The following CACNA1C variants were observed in gnomAD, a reference collection of about 807,000 sequenced individuals.
The protein encoded by CACNA1C is calcium voltage-gated channel subunit alpha1 C, also known as voltage-dependent L-type calcium channel subunit alpha-1C.
Under a neutral mutation model 229.0 loss-of-function variants are expected in CACNA1C, and 30 were observed. That is an observed-to-expected ratio of 0.13 (90% CI 0.10 to 0.18). The LOEUF (loss-of-function observed/expected upper bound fraction) is 0.18. CACNA1C is among the 10% of genes least tolerant of loss of function. The probability of loss-of-function intolerance (pLI) is 1.00; values close to 1 mark genes in which losing one functional copy is unlikely to be tolerated. For missense variants in CACNA1C, 1,658 were observed against 2,845.0 expected (o/e 0.58, Z 9.49); for synonymous variants, 1,114 against 1,132.5 (o/e 0.98, Z 0.33).
intron 42 of CACNA1C, chr12:2,680,708 A>AT (rs1320114800): frequency 8.6e-6 from 6 of 695,884 alleles, no homozygotes; most frequent in Admixed American, 8.1e-5. Context: ...CAGAGGGCCC[A>AT]TTTCAAGAGG....
chr12:2,668,981 T>C lies in CACNA1C; in HGVS notation c.4672T>C (p.Phe1558Leu). The change falls in exon 38 of 47, where the codon TTC (phenylalanine) becomes CTC (leucine). Residue 1558 changes from phenylalanine (F) to leucine (L), a missense_variant. By Grantham distance (22) the Phe-to-Leu change is conservative. This residue lies in a region of CACNA1C where 151 missense variants were observed against 344.4 expected (regional missense o/e 0.44). Coordinates refer to ENST00000399655, the MANE Select transcript of CACNA1C (RefSeq NM_000719.7). ...TCTGAACAGCGACGGGACAGTCATG[T>C]TCAATGCCACCCTGTTTGCCCTGGT... ...MPLNSDGTVM[F>L]NATLFALVRT... 1 of 1,614,150 alleles carries C rather than the reference T, an allele frequency of 6.2e-7. No individual in the cohort carries two copies. Among genetic ancestry groups the C allele is most frequent in the Non-Finnish European group, 8.5e-7 (1 of 1,180,016 alleles).
intron 3 of CACNA1C, among the ~76,000 whole-genome samples, chr12:2,202,345 C>T (rs540847572): frequency 6.6e-6 from 1 of 152,330 alleles, no homozygotes; most frequent in East Asian, 1.9e-4. Context: ...TTCCTAATTT[C>T]ATGAAGCCTG....
intron 1 of CACNA1C, among the ~76,000 whole-genome samples, chr12:2,109,447 G>A (rs370759155): frequency 6.6e-6 from 1 of 152,246 alleles, no homozygotes; most frequent in East Asian, 1.9e-4. Flanking sequence ...TACATGCAAA[G>A]GCACTGCGGC....
At chr12:2,293,398 G>T (rs2093702165) in intron 3 of CACNA1C, among the ~76,000 whole-genome samples, 2 of 152,204 alleles carry the variant, frequency 1.3e-5, no homozygotes, top group South Asian at 4.1e-4. Context: ...TGCGTAATTG[G>T]TGTTGCTATA....
intron 3 of CACNA1C, among the ~76,000 whole-genome samples, chr12:2,223,145 A>G (rs113962028): frequency 3.9e-5 from 6 of 152,312 alleles, no homozygotes; most frequent in African/African-American, 1.2e-4. Context: ...GACTCATAGC[A>G]TACTGGACAA....
chr12:2,049,376 C>G (rs2051693124), upstream of CACNA1C: 1 of 152,226 alleles, frequency 6.6e-6, no homozygotes, highest in Non-Finnish European at 1.5e-5. Flanking sequence ...AGAATAATCT[C>G]TCAGTGTTAT....
intron 4 of CACNA1C, among the ~76,000 whole-genome samples, chr12:2,456,594 C>T (rs553936870): frequency 1.9e-4 from 29 of 152,320 alleles, no homozygotes; most frequent in Non-Finnish European, 4.1e-4. Context: ...CCTGGCTTAC[C>T]TGCTTCCTCT....
intron 1 of CACNA1C, among the ~76,000 whole-genome samples, chr12:2,088,318 G>A (rs1182111543): frequency 2.0e-5 from 3 of 152,210 alleles, no homozygotes; most frequent in South Asian, 4.1e-4. Flanking sequence ...CTGGGTTGGA[G>A]GCTGGGGAGG....
At chr12:2,310,797 C>T (rs763493365) in intron 3 of CACNA1C, among the ~76,000 whole-genome samples, 99 of 152,176 alleles carry the variant, frequency 6.5e-4, no homozygotes, top group Non-Finnish European at 1.1e-3. Context: ...CTCTGAAGCA[C>T]ATCAGAAGAA....
chr12:2,262,699 T>G (rs1282198035), intron 3 of CACNA1C, among the ~76,000 whole-genome samples: 1 of 152,176 alleles, frequency 6.6e-6, no homozygotes, highest in East Asian at 1.9e-4. Context: ...GTGGAGGCTG[T>G]GTCTAAAATA....
In CACNA1C at chr12:2,601,531, G is replaced by A. The variant is rs2072260363; in HGVS notation, c.2854-323G>A. On this transcript the variant is annotated intron_variant, in intron 21 of 46. Transcript: ENST00000399655. This position sits in a 1 kb window ranked among gnomAD's most constrained non-coding sequence, Gnocchi z 5.9. ...CCTGCAGGCCCAAAGCCATGGACTT[G>A]GGATGTGGAACAGTGCGAAATTAGA... Among the ~76,000 whole-genome samples the A allele has an allele frequency of 6.6e-6, 1 of 152,176 alleles. No homozygotes were observed. Among genetic ancestry groups the A allele is most frequent in the Non-Finnish European group, 1.5e-5 (1 of 68,036 alleles).
In CACNA1C at chr12:2,500,090, A is replaced by G. The variant is rs149973067; in HGVS notation, c.1114-4752A>G. Among the ~76,000 whole-genome samples, 36 of 152,256 alleles carry G rather than the reference A, an allele frequency of 2.4e-4. No individual in the cohort carries two copies. The East Asian group carries it at 6.6e-3, about 28-fold the overall frequency. ...TCACCCAGGCAGTGGGGTTCTGAGGACCACCCTGGCCTCGTCCGTCTCCAT... is the reference window on the plus strand; with the variant it reads ...TCACCCAGGCAGTGGGGTTCTGAGGGCCACCCTGGCCTCGTCCGTCTCCAT... On this transcript the variant is annotated intron_variant, in intron 7 of 46. Transcript: ENST00000399655.
chr12:1,973,467 C>G (rs919362662), intron 1 of CACNA1C, among the ~76,000 whole-genome samples: 1 of 152,168 alleles, frequency 6.6e-6, no homozygotes, highest in Non-Finnish European at 1.5e-5. Flanking sequence ...TATGTACTCT[C>G]CAACTATAAA....
At chr12:2,021,507 C>T (rs1393646731) in intron 1 of CACNA1C, among the ~76,000 whole-genome samples, 2 of 152,132 alleles carry the variant, frequency 1.3e-5, no homozygotes, top group East Asian at 1.9e-4. Context: ...GGTGAAACCC[C>T]GTCTCTACTA....
intron 3 of CACNA1C, among the ~76,000 whole-genome samples, chr12:2,137,070 G>T (rs914299687): frequency 6.6e-6 from 1 of 151,326 alleles, no homozygotes; most frequent in Non-Finnish European, 1.5e-5. Flanking sequence ...ACGGCGCCCC[G>T]CCCAGGTGAG....
At chr12:2,051,348 G>C (rs1303680283), upstream of CACNA1C, among the ~76,000 whole-genome samples, 1 of 152,214 alleles carries the variant, frequency 6.6e-6, no homozygotes, top group African/African-American at 2.4e-5. Flanking sequence ...ATGATGTAAG[G>C]GGATTTGTAC....
chr12:2,112,437 G>A (rs1424692573), intron 1 of CACNA1C, among the ~76,000 whole-genome samples: 3 of 76,926 alleles, frequency 3.9e-5, no homozygotes, highest in Non-Finnish European at 9.4e-5. Flanking sequence ...CGTCCTCCGT[G>A]AGCCTGATGT....
chr12:2,419,298 A>G (rs1019168516), intron 3 of CACNA1C, among the ~76,000 whole-genome samples: 27 of 152,144 alleles, frequency 1.8e-4, no homozygotes, highest in Non-Finnish European at 1.5e-4. Flanking sequence ...GAAATGTCAC[A>G]TGGCAAGATT....
chr12:2,329,018 T>A (rs906394153), intron 3 of CACNA1C, among the ~76,000 whole-genome samples: 1 of 152,188 alleles, frequency 6.6e-6, no homozygotes, highest in Non-Finnish European at 1.5e-5. Context: ...TTTTTCAGGA[T>A]CAATGACAGT....
Sources: allele counts gnomAD v4.1 joint callset (sites outside exome capture counted in the v4.1 genomes callset), GRCh38; gene constraint gnomAD v4.1.1; regional missense constraint gnomAD v4.1.1; non-coding constraint Gnocchi (gnomAD v3.1); transcripts MANE v1.5; gene names NCBI Gene and HGNC (gene_info 2026-07-23, HGNC 2026-07-21).